KCTD8: variants seen among roughly 807,000 people sequenced by gnomAD.
KCTD8 encodes potassium channel tetramerization domain containing 8, also known as BTB/POZ domain-containing protein KCTD8.
KCTD8 carries 27 observed loss-of-function variants against 31.5 expected under a neutral mutation model. That is an observed-to-expected ratio of 0.86 (90% CI 0.63 to 1.18). The LOEUF is 1.18. KCTD8 is among the 50% of genes most tolerant of loss of function. The pLI, the probability that KCTD8 is intolerant of heterozygous loss-of-function variation, is 0.00. For synonymous variants in KCTD8, 290 were observed against 280.0 expected (o/e 1.04, Z -0.36); for missense variants, 658 against 647.7 (o/e 1.02, Z -0.17).
chr4:44,447,525 G>C (rs1228192170), intron 1 of KCTD8, 38 bp downstream of exon 1: 2 of 1,496,476 alleles, frequency 1.3e-6, no homozygotes, highest in Admixed American at 2.1e-5. Context: ...TCAGCAGGGG[G>C]CGAGGGGTGC....
At chr4:44,281,140 A>C (rs1716894372) in intron 1 of KCTD8, among the ~76,000 whole-genome samples, 1 of 151,894 alleles carries the variant, frequency 6.6e-6, no homozygotes, top group African/African-American at 2.4e-5. Flanking sequence ...CACGAGAGCC[A>C]GTCTGAAGTC....
At chr4:44,428,614 A>G (rs1407011692) in intron 1 of KCTD8, among the ~76,000 whole-genome samples, 1 of 151,818 alleles carries the variant, frequency 6.6e-6, no homozygotes, top group African/African-American at 2.4e-5. Context: ...TGTAAAACAA[A>G]TGTCAGAGTA....
intron 1 of KCTD8, among the ~76,000 whole-genome samples, chr4:44,287,651 A>G (rs1030223446): frequency 2.0e-5 from 3 of 152,178 alleles, no homozygotes; most frequent in Non-Finnish European, 2.9e-5. Flanking sequence ...TCTGTGGCAA[A>G]TAAATAGCAC....
At chr4:44,200,482 G>A (rs545007008) in intron 1 of KCTD8, among the ~76,000 whole-genome samples, 4 of 151,994 alleles carry the variant, frequency 2.6e-5, no homozygotes, top group East Asian at 1.9e-4. Flanking sequence ...CTTTATCTCC[G>A]GGATGCAAGA....
At chr4:44,279,760 A>T (rs1237875059) in intron 1 of KCTD8, among the ~76,000 whole-genome samples, 4 of 152,080 alleles carry the variant, frequency 2.6e-5, no homozygotes, top group Non-Finnish European at 4.4e-5. Context: ...TTTTGAACAC[A>T]TACTAAATAA....
At chr4:44,437,942 A>C (rs1421412332) in intron 1 of KCTD8, among the ~76,000 whole-genome samples, 1 of 152,102 alleles carries the variant, frequency 6.6e-6, no homozygotes, top group African/African-American at 2.4e-5. Flanking sequence ...CATATAAATG[A>C]TACCAATAAT....
intron 1 of KCTD8, among the ~76,000 whole-genome samples, chr4:44,413,819 T>G (rs982775848): frequency 6.6e-6 from 1 of 152,072 alleles, no homozygotes; most frequent in African/African-American, 2.4e-5. Flanking sequence ...GGGATAATCC[T>G]GCATTATCCA....
intron 1 of KCTD8, among the ~76,000 whole-genome samples, chr4:44,336,829 C>G (rs1011138649): frequency 6.6e-6 from 1 of 151,988 alleles, no homozygotes; most frequent in Non-Finnish European, 1.5e-5. Context: ...TTAATTAGTG[C>G]TTTGTTTTTA....
intron 1 of KCTD8, among the ~76,000 whole-genome samples, chr4:44,411,519 GTATGTTTTT>G (rs896858333): frequency 6.6e-6 from 1 of 151,964 alleles, no homozygotes; most frequent in African/African-American, 2.4e-5. Context: ...AAAAATGAAT[GTATGTTTTT>G]TATGTTTTTT....
chr4:44,349,596 C>T (rs189107547), intron 1 of KCTD8, among the ~76,000 whole-genome samples: 24 of 152,270 alleles, frequency 1.6e-4, no homozygotes, highest in Admixed American at 1.2e-3. Context: ...TTACAGCTCA[C>T]CAGCAGGTTC....
intron 1 of KCTD8, among the ~76,000 whole-genome samples, chr4:44,276,365 A>G (rs73811991): frequency 0.029 from 4,481 of 152,054 alleles, 238 homozygotes; most frequent in African/African-American, 0.1. Flanking sequence ...CTAGGTGGAA[A>G]TTAATACAGA....
At chr4:44,375,169 G>C (rs1719888457) in intron 1 of KCTD8, among the ~76,000 whole-genome samples, 1 of 152,094 alleles carries the variant, frequency 6.6e-6, no homozygotes, top group Non-Finnish European at 1.5e-5. Flanking sequence ...AGACAATAAA[G>C]AGTCAGACAA....
intron 1 of KCTD8, among the ~76,000 whole-genome samples, chr4:44,280,618 T>C (rs1385416119): frequency 2.0e-5 from 3 of 152,094 alleles, no homozygotes; most frequent in Non-Finnish European, 4.4e-5. Flanking sequence ...CGAATCAAAT[T>C]GTGGAAGGGG....
intron 1 of KCTD8, among the ~76,000 whole-genome samples, chr4:44,441,907 T>G (rs575531061): frequency 6.6e-6 from 1 of 152,304 alleles, no homozygotes; most frequent in South Asian, 2.1e-4. Context: ...TTTATAAAAC[T>G]GTGGCAATGT....
intron 1 of KCTD8, among the ~76,000 whole-genome samples, chr4:44,446,079 T>C (rs1268429022): frequency 1.3e-5 from 2 of 152,202 alleles, no homozygotes; most frequent in East Asian, 3.8e-4. Context: ...GTTGAAACCG[T>C]TGTCTCAAGA....
Position 44,175,124 on chromosome 4 carries a change from T to C in KCTD8, c.1088A>G (p.His363Arg). The C allele has an allele frequency of 6.2e-7, 1 of 1,614,054 alleles. No homozygotes were observed. Among genetic ancestry groups the C allele is most frequent in the East Asian group, 2.2e-5 (1 of 44,864 alleles). Reference protein sequence around the residue: ...NELSTSSCDSHSEASTPQDNP... With the variant: ...NELSTSSCDSRSEASTPQDNP... ...GTCCTGGGGAGTGCTTGCCTCTGAA[T>C]GGCTGTCACAACTGGAAGTGGAGAG... The change falls in exon 2 of 2, where the codon CAT becomes CGT. Residue 363 changes from histidine (H) to arginine (R), a missense_variant. His to Arg is a conservative substitution (Grantham distance 29). Coordinates refer to ENST00000360029, the MANE Select transcript of KCTD8 (RefSeq NM_198353.3).
chr4:44,189,241 A>C (rs1713686740), intron 1 of KCTD8, among the ~76,000 whole-genome samples: 1 of 152,200 alleles, frequency 6.6e-6, no homozygotes, highest in Admixed American at 6.5e-5. Flanking sequence ...ATGTTAAAAA[A>C]TTCCTATACT....
chr4:44,337,833 T>A (rs573894124), intron 1 of KCTD8, among the ~76,000 whole-genome samples: 1 of 152,046 alleles, frequency 6.6e-6, no homozygotes, highest in South Asian at 2.1e-4. Flanking sequence ...CTATTTAAAA[T>A]TATATATCCT....
intron 1 of KCTD8, among the ~76,000 whole-genome samples, chr4:44,438,049 T>C (rs958794613): frequency 2.0e-5 from 3 of 152,122 alleles, no homozygotes; most frequent in Admixed American, 1.3e-4. Context: ...TGGAATCATA[T>C]GTATGAATCC....
Sources: allele counts gnomAD v4.1 joint callset (sites outside exome capture counted in the v4.1 genomes callset), GRCh38; gene constraint gnomAD v4.1.1; transcripts MANE v1.5; gene names NCBI Gene and HGNC (gene_info 2026-07-23, HGNC 2026-07-21).